The following LHPP variants were observed in gnomAD, a reference collection of about 807,000 sequenced individuals.
The protein encoded by LHPP is hLHPP.
LHPP carries 24 observed loss-of-function variants against 30.3 expected under a neutral mutation model. That is an observed-to-expected ratio of 0.79 (90% CI 0.57 to 1.11). LHPP has a LOEUF of 1.11. Ranked by LOEUF, LHPP falls within the 50% of genes most tolerant of loss-of-function variation. The pLI, the probability that LHPP is intolerant of heterozygous loss-of-function variation, is 0.00. For synonymous variants in LHPP, 150 were observed against 157.1 expected (o/e 0.95, Z 0.34); for missense variants, 356 against 367.2 (o/e 0.97, Z 0.25).
rs977478995 is a variant in LHPP, at chr10:124,510,071, G to A, written c.625-7109G>A. On this transcript the variant is annotated intron_variant, in intron 5 of 6. Coordinates refer to ENST00000368842, the MANE Select transcript of LHPP (RefSeq NM_022126.4). This position sits in a 1 kb window ranked among gnomAD's most constrained non-coding sequence, Gnocchi z 4.0. The stretch of plus-strand genomic sequence containing the variant: ...TGTGGCGCCTCCATCCGGCTCTCTG[G>A]ATCCTGGGTTCTGGGGGGTCCGACC... 6.6e-6 allele frequency among the ~76,000 whole-genome samples: 1 copy of A among 152,040 alleles called. No individual in the cohort carries two copies. Among genetic ancestry groups the A allele is most frequent in the Non-Finnish European group, 1.5e-5 (1 of 68,022 alleles).
chr10:124,506,870 A>G lies in LHPP; in HGVS notation c.624+8742A>G, dbSNP rs1053059737. On this transcript the variant is annotated intron_variant, in intron 5 of 6. Coordinates refer to ENST00000368842, the MANE Select transcript of LHPP (RefSeq NM_022126.4). ...GGGGTAGGGAGGATTTCAGGTGGAG[A>G]GGTAGACAGGATTTCAGGTTGGGGG... 1.5e-3 allele frequency among the ~76,000 whole-genome samples: 12 copies of G among 8,256 alleles called. 1 individual carries two copies. The highest frequency in any genetic ancestry group is 1.2e-3 in the Admixed American group (1 of 824). 5.4% of individuals were successfully genotyped at this position (8,256 alleles called of 152,430 possible). A position where few individuals can be genotyped will look rare whatever the true frequency, so the allele number is the denominator to read the frequency against.
Position 124,517,571 on chromosome 10 carries a change from C to T in LHPP, c.716+300C>T, listed in dbSNP as rs1428734025. On this transcript the variant is annotated intron_variant, in intron 6 of 6. Coordinates refer to ENST00000368842, the MANE Select transcript of LHPP (RefSeq NM_022126.4). This position sits in a 1 kb window ranked among gnomAD's most constrained non-coding sequence, Gnocchi z 4.1. ...GCGGCGGCCCACCAGGGAGTTGGGC[C>T]GAATTTGTGCTGCTGTCCCTTTGGC... 2.0e-5 allele frequency among the ~76,000 whole-genome samples: 3 copies of T among 152,204 alleles called. No homozygotes were observed. The highest frequency in any genetic ancestry group is 2.9e-5 in the Non-Finnish European group (2 of 68,022).
At chr10:124,601,791 C>G (rs1949026031) in intron 6 of LHPP, among the ~76,000 whole-genome samples, 1 of 152,256 alleles carries the variant, frequency 6.6e-6, no homozygotes, top group African/African-American at 2.4e-5. Flanking sequence ...CTCTGCCTGG[C>G]TGGCACACGC....
intron 6 of LHPP, among the ~76,000 whole-genome samples, chr10:124,539,136 G>A (rs1955112465): frequency 6.6e-6 from 1 of 152,152 alleles, no homozygotes; most frequent in East Asian, 1.9e-4. Flanking sequence ...GGACCCCCAA[G>A]TTTTTCCTGT....
Position 124,564,313 on chromosome 10 carries a change from C to T in LHPP, c.716+47042C>T, listed in dbSNP as rs185737931. On this transcript the variant is annotated intron_variant, in intron 6 of 6. Transcript: ENST00000368842. ...TAATTTTTTGTATTTTTAGTAGAGA[C>T]AGGGTTTCACCATGTTACCCAAGAT... 3.2e-3 allele frequency among the ~76,000 whole-genome samples: 489 copies of T among 152,180 alleles called. 2 individuals are homozygous for T. Among genetic ancestry groups the T allele is most frequent in the Non-Finnish European group, 5.0e-3 (337 of 67,996 alleles).
At chr10:124,465,360 G>T (rs967719660) in intron 1 of LHPP, among the ~76,000 whole-genome samples, 1 of 152,166 alleles carries the variant, frequency 6.6e-6, no homozygotes, top group Non-Finnish European at 1.5e-5. Flanking sequence ...CAGGAAGTCA[G>T]TGAAGACTCT....
chr10:124,480,718 T>G (rs1338478585), intron 1 of LHPP, among the ~76,000 whole-genome samples: 1 of 152,206 alleles, frequency 6.6e-6, no homozygotes, highest in South Asian at 2.1e-4. Context: ...AATTAACCAC[T>G]AAGTGTAATT....
chr10:124,530,224 C>T (rs959271473), intron 6 of LHPP, among the ~76,000 whole-genome samples: 1 of 152,172 alleles, frequency 6.6e-6, no homozygotes, highest in African/African-American at 2.4e-5. Flanking sequence ...CCTCCCGCCC[C>T]ACCCCTCCTG....
At chr10:124,475,993 G>A (rs1387254550) in intron 1 of LHPP, among the ~76,000 whole-genome samples, 2 of 152,200 alleles carry the variant, frequency 1.3e-5, no homozygotes, top group African/African-American at 4.8e-5. Flanking sequence ...ATCGATGCTT[G>A]TGGGATCAAC....
chr10:124,468,883 G>A (rs1223118198), intron 1 of LHPP, among the ~76,000 whole-genome samples: 1 of 146,168 alleles, frequency 6.8e-6, no homozygotes, highest in Non-Finnish European at 1.6e-5. Flanking sequence ...TGCCCAGAGT[G>A]GCTGCGAAGG....
intron 6 of LHPP, among the ~76,000 whole-genome samples, chr10:124,533,472 T>C (rs1475320794): frequency 2.0e-5 from 3 of 152,204 alleles, no homozygotes; most frequent in African/African-American, 4.8e-5. Context: ...TCCGATGACC[T>C]TGTGGCAGTC....
chr10:124,598,170 T>C (rs1490404212), intron 6 of LHPP, among the ~76,000 whole-genome samples: 15 of 152,200 alleles, frequency 9.9e-5, no homozygotes, highest in Non-Finnish European at 1.6e-4. Context: ...TGGCAGCCCC[T>C]CACCAGGTCC....
intron 1 of LHPP, among the ~76,000 whole-genome samples, chr10:124,483,112 C>T (rs11245137): frequency 0.079 from 12,068 of 152,058 alleles, 660 homozygotes; most frequent in East Asian, 0.16. Flanking sequence ...GGAAGAAGCT[C>T]GGTGCCGCCG....
At chr10:124,488,331 G>C in intron 2 of LHPP, 91 bp from the exon 3 acceptor site, 1 of 1,112,530 alleles carries the variant, frequency 9.0e-7, no homozygotes, top group Non-Finnish European at 1.3e-6. Flanking sequence ...AAAGGGGGAG[G>C]ACATGTGAAA....
At chr10:124,466,816 A>C (rs1367560115) in intron 1 of LHPP, among the ~76,000 whole-genome samples, 1 of 152,100 alleles carries the variant, frequency 6.6e-6, no homozygotes, top group Non-Finnish European at 1.5e-5. Context: ...AAAATATTAC[A>C]ATTCAAATAT....
At chr10:124,555,184 G>C (rs552967912) in intron 6 of LHPP, among the ~76,000 whole-genome samples, 6 of 152,180 alleles carry the variant, frequency 3.9e-5, no homozygotes, top group African/African-American at 1.4e-4. Context: ...GTGGGCCAGT[G>C]GGGATGGGTG....
At chr10:124,469,625 C>T (rs548615183) in intron 1 of LHPP, among the ~76,000 whole-genome samples, 13 of 152,178 alleles carry the variant, frequency 8.5e-5, no homozygotes, top group African/African-American at 2.2e-4. Flanking sequence ...CACACACATT[C>T]GTTCATTTAT....
At chr10:124,482,852 CA>C (rs967337532) in intron 1 of LHPP, among the ~76,000 whole-genome samples, 1 of 152,210 alleles carries the variant, frequency 6.6e-6, no homozygotes, top group African/African-American at 2.4e-5. Flanking sequence ...TTCTCAGTCA[CA>C]AATTGCCCTT....
At chr10:124,542,538 T>C (rs1271731168) in intron 6 of LHPP, among the ~76,000 whole-genome samples, 3 of 152,142 alleles carry the variant, frequency 2.0e-5, no homozygotes, top group African/African-American at 7.2e-5. Context: ...TCAGAGCTTC[T>C]CCTGCTCCAG....
Sources: allele counts gnomAD v4.1 joint callset (sites outside exome capture counted in the v4.1 genomes callset), GRCh38; gene constraint gnomAD v4.1.1; non-coding constraint Gnocchi (gnomAD v3.1); transcripts MANE v1.5; gene names NCBI Gene and HGNC (gene_info 2026-07-23, HGNC 2026-07-21).